IQSEC2: variants seen among roughly 807,000 people sequenced by gnomAD.
The protein encoded by IQSEC2 is IQ motif and Sec7 domain ArfGEF 2, also known as IQ motif and SEC7 domain-containing protein 2.
Under a neutral mutation model 74.6 loss-of-function variants are expected in IQSEC2, and 6 were observed. The ratio of observed to expected loss-of-function variants is 0.08; its 90% confidence interval spans 0.04 to 0.16. The LOEUF is 0.16. Among genes scored for constraint, IQSEC2 ranks in the 10% least tolerant of loss-of-function variants. The probability of loss-of-function intolerance (pLI) is 1.00; values close to 1 mark genes in which losing one functional copy is unlikely to be tolerated. For missense variants in IQSEC2, 734 were observed against 1,306.2 expected (o/e 0.56, Z 6.75); for synonymous variants, 494 against 544.5 (o/e 0.91, Z 1.29).
chrX:53,294,147 C>T (rs55866903), intron 1 of IQSEC2, among the ~76,000 whole-genome samples: 21,799 of 111,454 alleles, frequency 0.2, 2,663 homozygotes, highest in African/African-American at 0.46. Flanking sequence ...TGCTCTTTCA[C>T]CTGAGAGATT....
At position 53,255,797 on chromosome X, in the gene IQSEC2, C is replaced by CA. The variant is rs782617465; in HGVS notation, c.999+2dup. On this transcript the variant is annotated splice_region_variant and intron_variant, in intron 3 of 14. Transcript: ENST00000642864. The stretch of plus-strand genomic sequence containing the variant: ...CATTCCCAACCAGATGCCTCTGTTG[C>CA]ACCTTCTTGTCCTGCAGGTCTGTGG... The CA allele has an allele frequency of 2.5e-6, 3 of 1,211,916 alleles. No individual in the cohort carries two copies. In the East Asian group the frequency reaches 8.9e-5, roughly 36 times the overall value.
At chrX:53,318,323 C>T (rs367722643) in intron 1 of IQSEC2, among the ~76,000 whole-genome samples, 8 of 111,871 alleles carry the variant, frequency 7.2e-5, no homozygotes, top group African/African-American at 2.3e-4. Flanking sequence ...TTTATTAATC[C>T]AGTAGGAAAT....
chrX:53,226,758 A>C, downstream of IQSEC2: 1 of 112,103 alleles, frequency 8.9e-6, no homozygotes, highest in Non-Finnish European at 1.9e-5. Flanking sequence ...GGCTCAAAAG[A>C]GTCATGCCTT....
chrX:53,235,718 T>C, intron 14 of IQSEC2, 65 bp downstream of exon 14: 1 of 1,113,205 alleles, frequency 9.0e-7, no homozygotes, highest in Non-Finnish European at 1.2e-6. Context: ...CCCCTCCTCC[T>C]CTGGGTCTCC....
intron 2 of IQSEC2, among the ~76,000 whole-genome samples, chrX:53,277,026 AGTT>A (rs1416654155): frequency 3.6e-5 from 4 of 110,605 alleles, no homozygotes; most frequent in East Asian, 2.8e-4. Flanking sequence ...ATTAGGCTAT[AGTT>A]GTTGTTTTTT....
At chrX:53,279,928 AGGG>A (rs1556870451) in intron 2 of IQSEC2, among the ~76,000 whole-genome samples, 102 of 58,951 alleles carry the variant, frequency 1.7e-3, no homozygotes, top group Non-Finnish European at 2.4e-3. Flanking sequence ...GGAGGGAGGG[AGGG>A]AGGAAGGAAG....
At position 53,250,935 on chromosome X, in the gene IQSEC2, C is replaced by A; in HGVS notation, c.1641G>T (p.Ala547=). ...PPPQGRPEFW[A]PAPLPPVPPP... is the part of the protein sequence containing the mutation. ...GAGGAACTGGCGGGAGAGGGGCTGGCGCCCAGAACTCGGGCCGGCCCTGGG... is the reference window on the plus strand; with the variant it reads ...GAGGAACTGGCGGGAGAGGGGCTGGAGCCCAGAACTCGGGCCGGCCCTGGG... Residue 547 remains alanine (A), a synonymous_variant, in exon 5 of 15, where the codon GCG becomes GCT. Coordinates refer to ENST00000642864, the MANE Select transcript of IQSEC2 (RefSeq NM_001111125.3). 1.7e-6 allele frequency: 2 copies of A among 1,200,432 alleles called. No individual in the cohort carries two copies. The highest frequency in any genetic ancestry group is 1.7e-5 in the African/African-American group (1 of 57,701).
intron 1 of IQSEC2, among the ~76,000 whole-genome samples, chrX:53,318,948 C>A (rs1204509893): frequency 8.8e-6 from 1 of 113,012 alleles, no homozygotes; most frequent in Non-Finnish European, 1.9e-5. Context: ...CTCGCAGCAG[C>A]CCTGCCTGGG....
chrX:53,282,310 A>G (rs372768316), intron 2 of IQSEC2, among the ~76,000 whole-genome samples: 10 of 113,169 alleles, frequency 8.8e-5, no homozygotes, highest in Admixed American at 2.8e-4. Context: ...AAAGGGTCTT[A>G]CTAAAGTTCA....
intron 9 of IQSEC2, among the ~76,000 whole-genome samples, chrX:53,242,433 CAAAAAAAA>C (rs138931001): frequency 2.5e-4 from 9 of 35,991 alleles, no homozygotes; most frequent in Non-Finnish European, 3.0e-4. Context: ...AACTCCATGT[CAAAAAAAA>C]AAAAAAAAAA....
chrX:53,245,846 A>C (rs1490013405), intron 8 of IQSEC2, among the ~76,000 whole-genome samples: 1 of 100,572 alleles, frequency 9.9e-6, no homozygotes, highest in Non-Finnish European at 2.0e-5. Context: ...CAATGACCTC[A>C]TCTCAATTGT....
chrX:53,291,615 T>C (rs186606487), intron 2 of IQSEC2, among the ~76,000 whole-genome samples: 165 of 111,196 alleles, frequency 1.5e-3, no homozygotes, highest in African/African-American at 5.1e-3. Context: ...TCAGCTTTCA[T>C]ATCTGGGCAG....
chrX:53,266,616 G>A, intron 2 of IQSEC2: 1 of 805,303 alleles, frequency 1.2e-6, no homozygotes, highest in Non-Finnish European at 1.5e-6. Flanking sequence ...ATGTCATTTG[G>A]AGACCTCTCC....
chrX:53,284,621 G>A (rs1295643928), intron 2 of IQSEC2, among the ~76,000 whole-genome samples: 2 of 110,927 alleles, frequency 1.8e-5, no homozygotes, highest in African/African-American at 6.6e-5. Flanking sequence ...GTGTCCTTCC[G>A]CCCTGCTCTT....
At chrX:53,272,718 T>C (rs1307771565) in intron 2 of IQSEC2, among the ~76,000 whole-genome samples, 2 of 111,718 alleles carry the variant, frequency 1.8e-5, no homozygotes, top group Non-Finnish European at 3.8e-5. Context: ...ATCACCTTTA[T>C]ATAAGGCAAG....
intron 1 of IQSEC2, among the ~76,000 whole-genome samples, chrX:53,304,637 GA>G (rs1162790626): frequency 2.7e-5 from 3 of 111,952 alleles, no homozygotes; most frequent in Admixed American, 1.9e-4. Context: ...TTGAAGAGAA[GA>G]AAGGCAGAGA....
At chrX:53,299,427 C>CT (rs1194681689) in intron 1 of IQSEC2, among the ~76,000 whole-genome samples, 1 of 111,081 alleles carries the variant, frequency 9.0e-6, no homozygotes, top group Non-Finnish European at 1.9e-5. Context: ...TTTTGGAGGC[C>CT]TTTTTTTCTG....
chrX:53,235,366 C>A (rs1405396139), intron 14 of IQSEC2, among the ~76,000 whole-genome samples, 182 bp from the exon 15 acceptor site: 3 of 111,730 alleles, frequency 2.7e-5, no homozygotes, highest in Non-Finnish European at 5.7e-5. Context: ...TCGGCTGTCA[C>A]ATCCACTATC....
chrX:53,235,849 G>A lies in IQSEC2; in HGVS notation c.3452-17C>T, dbSNP rs782428058. 17 of 1,159,452 alleles carry A rather than the reference G, an allele frequency of 1.5e-5. No homozygotes were observed. The highest frequency in any genetic ancestry group is 2.0e-5 in the Non-Finnish European group (17 of 867,664). The stretch of plus-strand genomic sequence containing the variant: ...CCCGCTTCCCTGCACCCACAAGCAA[G>A]GAGCCCAGCGTCAGAGCAGCAACCC... On this transcript the variant is annotated splice_polypyrimidine_tract_variant and intron_variant, in intron 13 of 14. Coordinates refer to ENST00000642864, the MANE Select transcript of IQSEC2 (RefSeq NM_001111125.3).
Sources: gnomAD v4.1 joint callset for allele counts (sites outside exome capture counted in the v4.1 genomes callset) on GRCh38, gnomAD v4.1.1 for gene constraint, MANE v1.5 for transcripts, NCBI Gene and HGNC (gene_info 2026-07-23, HGNC 2026-07-21) for gene names.